Variants in STK11 observed in about 807,000 individuals in gnomAD.
STK11 encodes serine/threonine kinase 11.
In STK11, 8 loss-of-function variants were observed where a neutral mutation model predicts 47.3. That is an observed-to-expected ratio of 0.17 (90% CI 0.10 to 0.31). The LOEUF (loss-of-function observed/expected upper bound fraction) is 0.31, where lower values mean the gene tolerates loss of function less well. Ranked by LOEUF, STK11 falls within the 10% of genes least tolerant of loss-of-function variation. The probability of loss-of-function intolerance (pLI) is 1.00; values close to 1 mark genes in which losing one functional copy is unlikely to be tolerated. For synonymous variants in STK11, 330 were observed against 255.8 expected (o/e 1.29, Z -2.77); for missense variants, 475 against 605.0 (o/e 0.79, Z 2.25).
In STK11 at chr19:1,206,371, A is replaced by T. The variant is rs957207638; in HGVS notation, c.-543A>T. On this transcript the variant is annotated 5_prime_UTR_variant, in exon 1 of 10. Coordinates refer to ENST00000326873, the MANE Select transcript of STK11 (RefSeq NM_000455.5). ...GCGGCGGAGCGTTTGCTCCTGGGAC[A>T]GGCGGTGGGACCGGGGCGTCGCCGG... is the stretch of plus-strand genomic sequence containing the variant. 1 of 230,826 alleles carries T rather than the reference A, an allele frequency of 4.3e-6. No individual in the cohort carries two copies. The highest frequency in any genetic ancestry group is 8.6e-6 in the Non-Finnish European group (1 of 116,644). The allele number at this position is 230,826 out of a possible 1,614,324, so 14.3% of individuals were successfully genotyped here. A position where few individuals can be genotyped will look rare whatever the true frequency, so the allele number is the denominator to read the frequency against.
At chr19:1,218,941 G>A (rs189808207) in intron 2 of STK11, among the ~76,000 whole-genome samples, 10 of 152,202 alleles carry the variant, frequency 6.6e-5, no homozygotes, top group African/African-American at 2.4e-4. Context: ...GCAAGAGCCA[G>A]AAGTGGTCCT....
chr19:1,216,142 T>C (rs978743728), intron 1 of STK11: 6 of 157,284 alleles, frequency 3.8e-5, no homozygotes, highest in African/African-American at 9.6e-5. Flanking sequence ...TCGTTCACAG[T>C]GTACAATTCA....
At position 1,207,025 on chromosome 19, in the gene STK11, C is replaced by G. The variant is rs1060499954; in HGVS notation, c.112C>G (p.Pro38Ala). ...RIDSTEVIYQPRRKRAKLIGK... is the reference protein window; with the variant it reads ...RIDSTEVIYQARRKRAKLIGK... ...CGACTCCACCGAGGTCATCTACCAGCCGCGCCGCAAGCGGGCCAAGCTCAT... is the reference window on the plus strand; with the variant it reads ...CGACTCCACCGAGGTCATCTACCAGGCGCGCCGCAAGCGGGCCAAGCTCAT... The change falls in exon 1 of 10, where the codon CCG (proline) becomes GCG (alanine). Residue 38 changes from proline (P) to alanine (A), a missense_variant. By Grantham distance (27) the Pro-to-Ala change is conservative. This residue lies in a region of STK11 where 47 missense variants were observed against 103.7 expected (regional missense o/e 0.45). Coordinates refer to ENST00000326873, the MANE Select transcript of STK11 (RefSeq NM_000455.5). 5.6e-6 allele frequency: 9 copies of G among 1,613,804 alleles called. No individual in the cohort carries two copies. Among genetic ancestry groups the G allele is most frequent in the Non-Finnish European group, 5.9e-6 (7 of 1,179,868 alleles).
intron 8 of STK11, chr19:1,225,779 T>C: frequency 1.0e-6 from 1 of 985,390 alleles, no homozygotes. Flanking sequence ...GTTCGCGGAG[T>C]CCTCGCCAAC....
chr19:1,228,041 G>C lies in STK11; in HGVS notation c.*465G>C, dbSNP rs907040228. The C allele has an allele frequency of 6.3e-5, 67 of 1,065,994 alleles. No individual in the cohort carries two copies. Among genetic ancestry groups the C allele is most frequent in the Middle Eastern group, 8.2e-4 (2 of 2,426 alleles). The allele number at this position is 1,065,994 out of a possible 1,614,324, so 66.0% of individuals were successfully genotyped here. ...GCCGCTTTGGTTTTTTGTTTGGTTG[G>C]TTCCATTTTCTTTTTTTCTTTTTTT... On this transcript the variant is annotated 3_prime_UTR_variant, in exon 10 of 10. Transcript: ENST00000326873.
intron 1 of STK11, among the ~76,000 whole-genome samples, chr19:1,209,583 A>AAAAT (rs35010183): frequency 0.035 from 5,140 of 147,266 alleles, 129 homozygotes; most frequent in East Asian, 0.12. Context: ...CTCTGTCTCA[A>AAAAT]AAATAAATAA....
chr19:1,226,127 T>G, intron 8 of STK11: 1 of 1,177,592 alleles, frequency 8.5e-7, no homozygotes, highest in South Asian at 2.3e-5. Context: ...CACGGGAGGG[T>G]CCTGCCTTGT....
At chr19:1,210,653 C>G (rs192386889) in intron 1 of STK11, among the ~76,000 whole-genome samples, 1 of 146,628 alleles carries the variant, frequency 6.8e-6, no homozygotes, top group Non-Finnish European at 1.5e-5. Flanking sequence ...GTGGATCACC[C>G]GAGGTTGGGA....
chr19:1,224,139 C>T, intron 8 of STK11: 1 of 988,502 alleles, frequency 1.0e-6, no homozygotes, highest in Non-Finnish European at 1.2e-6. Context: ...AGTAGCTGGT[C>T]CCCAGGAGAG....
intron 1 of STK11, among the ~76,000 whole-genome samples, chr19:1,214,208 C>T (rs375788585): frequency 6.6e-6 from 1 of 152,156 alleles, no homozygotes; most frequent in Non-Finnish European, 1.5e-5. Flanking sequence ...GGAAGCCTGG[C>T]GATCTAGAGA....
intron 6 of STK11, chr19:1,221,586 C>A: frequency 3.2e-6 from 2 of 618,576 alleles, no homozygotes; most frequent in African/African-American, 1.8e-5. Context: ...CTGCGCCTCC[C>A]CCAGCCCCAC....
rs2075606 is a variant in STK11, at chr19:1,220,322, T to C, written c.465-51T>C. Reference sequence around the variant, plus strand: ...CCCAGGCAGCTGCAAAGGGGACCCCTGTGAGGGGCAGGGAGGCCTCGGCCC... The same window carrying C: ...CCCAGGCAGCTGCAAAGGGGACCCCCGTGAGGGGCAGGGAGGCCTCGGCCC... On this transcript the variant is annotated intron_variant, in intron 3 of 9. Coordinates refer to ENST00000326873, the MANE Select transcript of STK11 (RefSeq NM_000455.5). The C allele has an allele frequency of 0.25, 394,674 of 1,565,604 alleles. 53,587 individuals carry two copies. The highest frequency in any genetic ancestry group is 0.54 in the East Asian group (23,026 of 42,532).
chr19:1,216,558 G>A (rs1445257537), intron 1 of STK11, among the ~76,000 whole-genome samples: 6 of 149,298 alleles, frequency 4.0e-5, no homozygotes, highest in Non-Finnish European at 8.9e-5. Flanking sequence ...CTGGCCTGGC[G>A]ACAGAGTGAG....
rs2080835448 is a variant in STK11 at position 1,227,636 on chromosome 19, G to C, written c.*60G>C. 1 of 1,067,306 alleles carries C rather than the reference G, an allele frequency of 9.4e-7. No individual in the cohort carries two copies. Among genetic ancestry groups the C allele is most frequent in the African/African-American group, 1.6e-5 (1 of 61,086 alleles). The allele number at this position is 1,067,306 out of a possible 1,614,324, so 66.1% of individuals were successfully genotyped here. On this transcript the variant is annotated 3_prime_UTR_variant, in exon 10 of 10. Coordinates refer to ENST00000326873, the MANE Select transcript of STK11 (RefSeq NM_000455.5). Reference sequence around the variant, plus strand: ...GCCAGGTGCCCGCGCCAGGCCCTCAGTCTTCCTGCCGGTTCCGCCCGCCCT... The same window carrying C: ...GCCAGGTGCCCGCGCCAGGCCCTCACTCTTCCTGCCGGTTCCGCCCGCCCT...
intron 6 of STK11, 126 bp downstream of exon 6, chr19:1,221,466 G>C: frequency 7.2e-7 from 1 of 1,397,672 alleles, no homozygotes; most frequent in Admixed American, 2.7e-5. Flanking sequence ...AGAGGACTGA[G>C]TGGAGAGGCC....
chr19:1,226,562 C>A lies in STK11; in HGVS notation c.1217C>A (p.Ala406Glu), dbSNP rs748202003. The change falls in exon 9 of 10, where the codon GCG (alanine) becomes GAG (glutamate). Residue 406 changes from alanine to glutamate, a missense_variant. By Grantham distance (107) the Ala-to-Glu change is moderately radical. This residue lies in a region of STK11 where 219 missense variants were observed against 189.2 expected (regional missense o/e 1.16). Transcript: ENST00000326873. ...GCGCAGCTGAGCACCAAATCCAGGG[C>A]GGAGGGCCGGGCCCCCAACCCTGCC... is the stretch of plus-strand genomic sequence containing the variant. ...EAAQLSTKSR[A>E]EGRAPNPARK... 6.3e-7 allele frequency: 1 copy of A among 1,592,952 alleles called. No individual in the cohort carries two copies. The highest frequency in any genetic ancestry group is 1.7e-5 in the Admixed American group (1 of 57,296).
chr19:1,221,712 G>A, intron 6 of STK11: 1 of 604,478 alleles, frequency 1.7e-6, no homozygotes, highest in Non-Finnish European at 2.9e-6. Context: ...TGGGAGAACG[G>A]AACCGCCCTG....
chr19:1,225,168 G>A, intron 8 of STK11: 1 of 985,490 alleles, frequency 1.0e-6, no homozygotes, highest in African/African-American at 1.7e-5. Context: ...GCCCGCTGAT[G>A]CAGAGCTGGG....
intron 8 of STK11, chr19:1,223,758 G>C (rs1439694280): frequency 2.9e-6 from 3 of 1,040,550 alleles, no homozygotes; most frequent in Non-Finnish European, 3.5e-6. Context: ...CTGAGGAGGA[G>C]CTCAGGGCCT....
Sources: gnomAD v4.1 joint callset for allele counts (sites outside exome capture counted in the v4.1 genomes callset) on GRCh38, gnomAD v4.1.1 for gene constraint, gnomAD v4.1.1 regional missense constraint, MANE v1.5 for transcripts, NCBI Gene and HGNC (gene_info 2026-07-23, HGNC 2026-07-21) for gene names.